USP34: variants seen among roughly 807,000 people sequenced by gnomAD.
USP34 encodes the protein ubiquitin specific peptidase 34.
In USP34, 70 loss-of-function variants were observed where a neutral mutation model predicts 460.3. The ratio of observed to expected loss-of-function variants is 0.15; its 90% CI spans 0.13 to 0.19. USP34 has a LOEUF of 0.19. Among genes scored for constraint, USP34 ranks in the 10% least tolerant of loss-of-function variants. USP34 has a pLI of 1.00. For synonymous variants in USP34, 1,647 were observed against 1,405.3 expected (o/e 1.17, Z -3.85); for missense variants, 3,985 against 4,236.2 (o/e 0.94, Z 1.65).
chr2:61,314,740 T>A lies in USP34; in HGVS notation c.3387A>T (p.Lys1129Asn). ...QYINSYYING[K>N]TGLEKEQEFI... ...ATTCTTGCTCCTTCTCCAAACCTGT[T>A]TTACCTGAAAGCCAAATGTTTAGAC... is the stretch of plus-strand genomic sequence containing the variant. The change falls in exon 25 of 80, where the codon AAA (lysine) becomes AAT (asparagine). Residue 1129 changes from lysine (K) to asparagine (N), a missense_variant. Physicochemically the swap from Lys to Asn is moderately conservative, Grantham distance 94 (BLOSUM62 0). Around this residue, in one of 14 missense-constraint regions of USP34, gnomAD observed 1,114 missense variants for 1,122.5 expected, o/e 0.99. Coordinates refer to ENST00000398571, the MANE Select transcript of USP34 (RefSeq NM_014709.4). 1 of 1,577,414 alleles carries A rather than the reference T, an allele frequency of 6.3e-7. No individual in the cohort carries two copies. The highest frequency in any genetic ancestry group is 8.6e-7 in the Non-Finnish European group (1 of 1,166,536).
At chr2:61,352,683 A>T (rs79247322) in intron 10 of USP34, among the ~76,000 whole-genome samples, 3 of 132,136 alleles carry the variant, frequency 2.3e-5, no homozygotes, top group Admixed American at 8.5e-5. Flanking sequence ...CTGAGATTAA[A>T]AAAAAAAAAA....
chr2:61,468,500 G>C (rs1287210649), intron 1 of USP34, among the ~76,000 whole-genome samples: 4 of 152,146 alleles, frequency 2.6e-5, no homozygotes, highest in South Asian at 4.1e-4. Flanking sequence ...TTTTTAAAAA[G>C]GAAGCATCAC....
intron 5 of USP34, among the ~76,000 whole-genome samples, chr2:61,392,418 G>A (rs569285295): frequency 6.6e-6 from 1 of 152,280 alleles, no homozygotes; most frequent in South Asian, 2.1e-4. Context: ...GAGGTCAGGA[G>A]TTCGAGACCA....
intron 1 of USP34, among the ~76,000 whole-genome samples, chr2:61,430,816 C>A (rs535743651): frequency 1.3e-5 from 2 of 152,112 alleles, no homozygotes; most frequent in South Asian, 2.1e-4. Context: ...GAGTTCAAGA[C>A]CACCCTGGGC....
rs1450581888 is a variant in USP34, at chr2:61,246,567, A to G, written c.6395-90T>C. 10 of 856,352 alleles carry G rather than the reference A, an allele frequency of 1.2e-5. No homozygotes were observed. In the East Asian group the frequency reaches 2.9e-4, roughly 25 times the overall value. The allele number at this position is 856,352 out of a possible 1,614,324, so 53.0% of individuals were successfully genotyped here. A position where few individuals can be genotyped will look rare whatever the true frequency, so the allele number is the denominator to read the frequency against. On this transcript the variant is annotated intron_variant, in intron 49 of 79. Transcript: ENST00000398571. ...TTTTAAAATAAACTTTATCAATTACAATATTTTAAGTCATTTTAATAAAAT... is the reference window on the plus strand; with the variant it reads ...TTTTAAAATAAACTTTATCAATTACGATATTTTAAGTCATTTTAATAAAAT...
chr2:61,439,052 A>C (rs542218743), intron 1 of USP34, among the ~76,000 whole-genome samples: 1 of 152,224 alleles, frequency 6.6e-6, no homozygotes, highest in Non-Finnish European at 1.5e-5. Flanking sequence ...GAAATCAAGA[A>C]GGCAATTTCA....
Position 61,228,683 on chromosome 2 carries a change from T to A in USP34, c.7405A>T (p.Met2469Leu), listed in dbSNP as rs375458823. 5 of 1,612,076 alleles carry A rather than the reference T, an allele frequency of 3.1e-6. No homozygotes were observed. The highest frequency in any genetic ancestry group is 4.2e-6 in the Non-Finnish European group (5 of 1,179,352). ...FLLSLQAIST[M>L]VHFYMGTKGP... ...TTTGTTCCCATGTAAAAATGTACCA[T>A]TGTAGATATAGCTTGCAATGAAAGC... is the stretch of plus-strand genomic sequence containing the variant. Residue 2469 changes from methionine to leucine, a missense_variant, in exon 61 of 80, where the codon ATG becomes TTG. By Grantham distance (15) the Met-to-Leu change is conservative (BLOSUM62 2). This residue lies in a region of USP34 where 604 missense variants were observed against 684.8 expected (regional missense o/e 0.88). Coordinates refer to ENST00000398571, the MANE Select transcript of USP34 (RefSeq NM_014709.4).
At chr2:61,222,521 C>G in intron 65 of USP34, 98 bp downstream of exon 65, 1 of 897,734 alleles carries the variant, frequency 1.1e-6, no homozygotes, top group Non-Finnish European at 1.7e-6. Flanking sequence ...TGGGAGAAAC[C>G]CTGATAAATT....
At chr2:61,309,544 C>G (rs1025241269) in intron 27 of USP34, among the ~76,000 whole-genome samples, 2 of 152,110 alleles carry the variant, frequency 1.3e-5, no homozygotes, top group African/African-American at 4.8e-5. Flanking sequence ...CTCTATGTTA[C>G]AAAAGAATGG....
At position 61,405,254 on chromosome 2, in the gene USP34, A is replaced by AAAAGAAAG. The variant is rs1553384297; in HGVS notation, c.552+446_552+453dup. 8.4e-3 allele frequency among the ~76,000 whole-genome samples: 818 copies of AAAAGAAAG among 97,286 alleles called. 7 individuals are homozygous for AAAAGAAAG. The highest frequency in any genetic ancestry group is 0.015 in the Middle Eastern group (3 of 206). The allele number at this position is 97,286 out of a possible 152,430, so 63.8% of individuals were successfully genotyped here. ...TCTCAAAAAAAAAAAAAAAAAAAAA[A>AAAAGAAAG]AAAGAAAGAAAGAAAGAAAGAAAAG... On this transcript the variant is annotated intron_variant, in intron 3 of 79. Transcript: ENST00000398571.
chr2:61,202,637 CTCT>C (rs1042098841), intron 75 of USP34, among the ~76,000 whole-genome samples: 31 of 152,224 alleles, frequency 2.0e-4, no homozygotes, highest in African/African-American at 7.5e-4. Context: ...TTTCAAGTTT[CTCT>C]TCTTCTCACT....
chr2:61,326,843 G>A (rs756686595), intron 20 of USP34, among the ~76,000 whole-genome samples: 5 of 147,720 alleles, frequency 3.4e-5, no homozygotes, highest in Non-Finnish European at 7.4e-5. Context: ...GAGTGCAGTA[G>A]CGTGATCTCA....
At chr2:61,383,741 C>T (rs1439421153) in intron 5 of USP34, among the ~76,000 whole-genome samples, 8 of 152,088 alleles carry the variant, frequency 5.3e-5, no homozygotes, top group South Asian at 2.1e-4. Context: ...AAAACAAAAA[C>T]GAGGATCATT....
intron 48 of USP34, among the ~76,000 whole-genome samples, chr2:61,253,743 T>C (rs1309681105): frequency 1.3e-5 from 2 of 151,982 alleles, no homozygotes; most frequent in Non-Finnish European, 2.9e-5. Flanking sequence ...TATTGCTTTT[T>C]TTTTTTTTTG....
chr2:61,402,087 T>C lies in USP34; in HGVS notation c.552+3621A>G, dbSNP rs1024659245. 4.0e-5 allele frequency among the ~76,000 whole-genome samples: 6 copies of C among 151,456 alleles called. No individual in the cohort carries two copies. In the South Asian group the frequency reaches 8.4e-4, roughly 21 times the overall value. On this transcript the variant is annotated intron_variant, in intron 3 of 79. Transcript: ENST00000398571. ...TCTCGATAAACCCCATAAACACAGA[T>C]AAACCCCATCTCTTAAAAAAGTAAT...
intron 57 of USP34, among the ~76,000 whole-genome samples, chr2:61,235,428 C>T (rs1358280780): frequency 6.6e-6 from 1 of 150,464 alleles, no homozygotes; most frequent in Non-Finnish European, 1.5e-5. Context: ...CAGGTTCAAG[C>T]GATTCTCCTG....
intron 58 of USP34, among the ~76,000 whole-genome samples, chr2:61,231,793 G>T (rs1459173766): frequency 7.7e-6 from 1 of 129,582 alleles, no homozygotes; most frequent in Non-Finnish European, 1.6e-5. Context: ...GACTGCTTGT[G>T]ACAGAGCAAA....
At chr2:61,254,199 A>G (rs914433137) in intron 48 of USP34, among the ~76,000 whole-genome samples, 1 of 152,154 alleles carries the variant, frequency 6.6e-6, no homozygotes, top group Non-Finnish European at 1.5e-5. Context: ...GAATTATATT[A>G]ATTGATTATT....
chr2:61,190,458 T>C, intron 77 of USP34, 44 bp from the exon 78 acceptor site: 3 of 1,602,856 alleles, frequency 1.9e-6, no homozygotes, highest in Admixed American at 1.7e-5. Context: ...ACCAGCATAA[T>C]GAAACCACAA....
Sources: allele counts gnomAD v4.1 joint callset (sites outside exome capture counted in the v4.1 genomes callset), GRCh38; gene constraint gnomAD v4.1.1; regional missense constraint gnomAD v4.1.1; transcripts MANE v1.5; gene names NCBI Gene and HGNC (gene_info 2026-07-23, HGNC 2026-07-21).